The following FHIT variants were observed in gnomAD, a reference collection of about 807,000 sequenced individuals.
FHIT encodes the protein bis(5'-adenosyl)-triphosphatase.
A neutral mutation model predicts 17.9 loss-of-function variants in FHIT; 19 were observed. The observed-to-expected ratio is 1.06, with a 90% CI of 0.74 to 1.56. The LOEUF (loss-of-function observed/expected upper bound fraction) is 1.56. Ranked by LOEUF, FHIT falls within the 40% of genes most tolerant of loss-of-function variation. FHIT has a pLI of 0.00. For synonymous variants in FHIT, 81 were observed against 69.7 expected, an observed-to-expected ratio of 1.16 and a Z score of -0.81; for missense variants, 248 against 189.2, an observed-to-expected ratio of 1.31 and a Z score of -1.82.
At position 60,382,892 on chromosome 3, in the gene FHIT, C is replaced by T. The variant is rs532499541; in HGVS notation, c.103+153968G>A. Among the ~76,000 whole-genome samples, 4 of 152,320 alleles carry T rather than the reference C, an allele frequency of 2.6e-5. No individual in the cohort carries two copies. The East Asian group carries it at 5.8e-4, about 22-fold the overall frequency. On this transcript the variant is annotated intron_variant, in intron 5 of 9. Coordinates refer to ENST00000492590, the MANE Select transcript of FHIT (RefSeq NM_002012.4). The stretch of plus-strand genomic sequence containing the variant: ...ATCATTAGCAATCTTTTTCCCCAAA[C>T]ACTGCTTCCACTTCATGCTTCAACA...
chr3:60,401,660 A>G (rs747042386), intron 5 of FHIT, among the ~76,000 whole-genome samples: 16 of 152,152 alleles, frequency 1.1e-4, no homozygotes, highest in South Asian at 6.2e-4. Flanking sequence ...TCTATACCTT[A>G]TAAGTAATCC....
intron 8 of FHIT, among the ~76,000 whole-genome samples, chr3:59,820,033 A>C (rs1700734290): frequency 6.6e-6 from 1 of 152,220 alleles, no homozygotes; most frequent in Admixed American, 6.5e-5. Context: ...ATCCGCTGGC[A>C]CCTTGATCTT....
intron 8 of FHIT, among the ~76,000 whole-genome samples, chr3:59,765,800 T>TAA (rs1158997496): frequency 1.3e-5 from 2 of 152,178 alleles, no homozygotes; most frequent in African/African-American, 2.4e-5. Context: ...AAACTCTGAT[T>TAA]AAAATAGATA....
chr3:60,726,557 T>C (rs1205424173), intron 4 of FHIT, among the ~76,000 whole-genome samples: 1 of 152,132 alleles, frequency 6.6e-6, no homozygotes, highest in Non-Finnish European at 1.5e-5. Flanking sequence ...AGATAAGCAG[T>C]TGATGTTCCC....
intron 5 of FHIT, among the ~76,000 whole-genome samples, chr3:60,510,686 T>C (rs570974068): frequency 3.3e-5 from 5 of 152,246 alleles, no homozygotes; most frequent in African/African-American, 1.2e-4. Flanking sequence ...TGGGCAATCA[T>C]GTTACCTTCT....
chr3:59,748,624 A>C lies in FHIT; in HGVS notation c.*961T>G, dbSNP rs984919113. 1.3e-5 allele frequency among the ~76,000 whole-genome samples: 2 copies of C among 152,042 alleles called. No homozygotes were observed. The highest frequency in any genetic ancestry group is 6.6e-5 in the Admixed American group (1 of 15,254). On this transcript the variant is annotated 3_prime_UTR_variant, in exon 10 of 10. Transcript: ENST00000492590. ...AGTAGATAAGGTGAAGAGGCTAAGA[A>C]GACTATTTGGAGGGTACAAGGGGAG...
chr3:59,943,298 C>G (rs1231972301), intron 7 of FHIT, among the ~76,000 whole-genome samples: 1 of 151,814 alleles, frequency 6.6e-6, no homozygotes, highest in Non-Finnish European at 1.5e-5. Context: ...TTTTTTAAAC[C>G]TGGGCTCAAA....
chr3:60,049,570 T>G lies in FHIT; in HGVS notation c.104-35418A>C, dbSNP rs183341226. Reference sequence around the variant, plus strand: ...TAAAATACACATCAGATACTGAAAATAGTACAAAATAGGAATGTAAAACAT... The same window carrying G: ...TAAAATACACATCAGATACTGAAAAGAGTACAAAATAGGAATGTAAAACAT... On this transcript the variant is annotated intron_variant, in intron 5 of 9. Coordinates refer to ENST00000492590, the MANE Select transcript of FHIT (RefSeq NM_002012.4). Among the ~76,000 whole-genome samples, 484 of 152,254 alleles carry G rather than the reference T, an allele frequency of 3.2e-3. 6 individuals carry two copies. Among genetic ancestry groups the G allele is most frequent in the African/African-American group, 0.011 (462 of 41,562 alleles).
intron 4 of FHIT, among the ~76,000 whole-genome samples, chr3:60,637,176 G>A (rs141483928): frequency 1.5e-3 from 233 of 152,280 alleles, no homozygotes; most frequent in Non-Finnish European, 2.5e-3. Flanking sequence ...AAAATGCATA[G>A]GACACTTGGG....
intron 5 of FHIT, among the ~76,000 whole-genome samples, chr3:60,268,588 T>C (rs904482758): frequency 6.6e-6 from 1 of 152,206 alleles, no homozygotes; most frequent in Non-Finnish European, 1.5e-5. Flanking sequence ...ATTATTTACA[T>C]TATGTGAAGT....
chr3:59,873,986 C>T (rs113480507), intron 8 of FHIT, among the ~76,000 whole-genome samples: 5 of 152,010 alleles, frequency 3.3e-5, no homozygotes, highest in African/African-American at 4.8e-5. Context: ...TTCTGGTGAA[C>T]CGGTCTCCTC....
intron 3 of FHIT, among the ~76,000 whole-genome samples, chr3:60,968,692 G>A (rs187641846): frequency 4.6e-5 from 7 of 152,182 alleles, no homozygotes; most frequent in African/African-American, 1.7e-4. Flanking sequence ...AATACAGGCC[G>A]CCCTGCCCGG....
At chr3:60,368,878 T>C (rs190207738) in intron 5 of FHIT, among the ~76,000 whole-genome samples, 2 of 152,316 alleles carry the variant, frequency 1.3e-5, no homozygotes. Context: ...AGATAATTTC[T>C]ATTGATATGG....
intron 4 of FHIT, among the ~76,000 whole-genome samples, chr3:60,755,613 T>C (rs1398321488): frequency 6.6e-6 from 1 of 152,184 alleles, no homozygotes; most frequent in Non-Finnish European, 1.5e-5. Flanking sequence ...CATCAGTATT[T>C]CAGAGAGCCA....
chr3:60,086,648 C>G (rs1396959400), intron 5 of FHIT, among the ~76,000 whole-genome samples: 3 of 152,212 alleles, frequency 2.0e-5, no homozygotes, highest in Non-Finnish European at 4.4e-5. Context: ...CTGTGCAAGT[C>G]TGAAACTTAG....
intron 1 of FHIT, among the ~76,000 whole-genome samples, chr3:61,204,652 TG>T (rs1269627986): frequency 8.5e-5 from 13 of 152,140 alleles, no homozygotes; most frequent in African/African-American, 1.2e-4. Flanking sequence ...TTTAAAATCT[TG>T]CTATGTGTTG....
At chr3:60,562,855 T>G (rs1310855972) in intron 4 of FHIT, among the ~76,000 whole-genome samples, 1 of 152,170 alleles carries the variant, frequency 6.6e-6, no homozygotes, top group Non-Finnish European at 1.5e-5. Context: ...TGGAATTCAT[T>G]TGAGAAATTT....
intron 5 of FHIT, among the ~76,000 whole-genome samples, chr3:60,340,235 G>C (rs544788401): frequency 6.6e-4 from 101 of 152,260 alleles, no homozygotes; most frequent in Non-Finnish European, 1.2e-3. Flanking sequence ...TAAATTTCAA[G>C]AACAGACATC....
At chr3:60,162,821 C>T (rs1009490458) in intron 5 of FHIT, among the ~76,000 whole-genome samples, 6 of 152,152 alleles carry the variant, frequency 3.9e-5, no homozygotes, top group Non-Finnish European at 7.3e-5. Flanking sequence ...TCCCCTATGG[C>T]TTCCCTGGAT....
Sources: gnomAD v4.1 joint callset for allele counts (sites outside exome capture counted in the v4.1 genomes callset) on GRCh38, gnomAD v4.1.1 for gene constraint, MANE v1.5 for transcripts, NCBI Gene and HGNC (gene_info 2026-07-23, HGNC 2026-07-21) for gene names.